The following SLC4A10 variants were observed in gnomAD, a reference collection of about 807,000 sequenced individuals.
The protein encoded by SLC4A10 is solute carrier family 4 member 10.
A neutral mutation model predicts 137.7 loss-of-function variants in SLC4A10; 42 were observed. The ratio of observed to expected loss-of-function variants is 0.30; its 90% CI spans 0.24 to 0.39. SLC4A10 has a LOEUF of 0.39. Among genes scored for constraint, SLC4A10 ranks in the 10% least tolerant of loss-of-function variants. The pLI, the probability that SLC4A10 is intolerant of heterozygous loss-of-function variation, is 1.00. For missense variants in SLC4A10, 925 were observed against 1,355.0 expected (o/e 0.68, Z 4.98); for synonymous variants, 474 against 464.1 (o/e 1.02, Z -0.27).
intron 1 of SLC4A10, among the ~76,000 whole-genome samples, chr2:161,768,270 C>T (rs1193389481): frequency 1.3e-5 from 2 of 152,134 alleles, no homozygotes; most frequent in South Asian, 4.1e-4. Context: ...TCATTGACTA[C>T]CTGACATCCA....
intron 1 of SLC4A10, among the ~76,000 whole-genome samples, chr2:161,697,933 C>A (rs1464497494): frequency 6.6e-6 from 1 of 152,152 alleles, no homozygotes; most frequent in African/African-American, 2.4e-5. Flanking sequence ...TTTTTCCTAT[C>A]TATGAGCATA....
At chr2:161,859,164 G>A (rs1472281069) in intron 5 of SLC4A10, among the ~76,000 whole-genome samples, 1 of 152,034 alleles carries the variant, frequency 6.6e-6, no homozygotes, top group African/African-American at 2.4e-5. Flanking sequence ...TCTGCAATAT[G>A]TCATAACCTC....
chr2:161,696,577 TA>T (rs1168152793), intron 1 of SLC4A10, among the ~76,000 whole-genome samples: 2 of 150,496 alleles, frequency 1.3e-5, no homozygotes, highest in African/African-American at 4.9e-5. Flanking sequence ...GTTCTTGCAA[TA>T]GTTTAATGAG....
At chr2:161,900,430 A>G (rs959275586) in intron 11 of SLC4A10, among the ~76,000 whole-genome samples, 1 of 152,066 alleles carries the variant, frequency 6.6e-6, no homozygotes, top group Non-Finnish European at 1.5e-5. Flanking sequence ...ATATAACACC[A>G]CCATACTTAA....
At chr2:161,665,036 T>C (rs1187722227) in intron 1 of SLC4A10, among the ~76,000 whole-genome samples, 1 of 151,784 alleles carries the variant, frequency 6.6e-6, no homozygotes, top group Non-Finnish European at 1.5e-5. Context: ...TACAAGTTAG[T>C]TCAGAGATTG....
At chr2:161,977,251 TTTTATA>T (rs1408125285) in intron 25 of SLC4A10, 2 of 341,988 alleles carry the variant, frequency 5.8e-6, no homozygotes, top group Non-Finnish European at 1.2e-5. Flanking sequence ...ACTGTGTGTA[TTTTATA>T]TTTATATTTT....
At chr2:161,751,352 CTT>C (rs71889107) in intron 1 of SLC4A10, among the ~76,000 whole-genome samples, 2,673 of 112,124 alleles carry the variant, frequency 0.024, 54 homozygotes, top group African/African-American at 0.066. Flanking sequence ...TTGCATTTTG[CTT>C]TTTTTTTTTT....
At chr2:161,693,645 T>C (rs2042212369) in intron 1 of SLC4A10, among the ~76,000 whole-genome samples, 1 of 150,896 alleles carries the variant, frequency 6.6e-6, no homozygotes, top group Admixed American at 6.6e-5. Flanking sequence ...ACCAGCATTC[T>C]ACTCTCTGTC....
chr2:161,647,977 A>G (rs2036286082), intron 1 of SLC4A10, among the ~76,000 whole-genome samples: 1 of 152,196 alleles, frequency 6.6e-6, no homozygotes, highest in African/African-American at 2.4e-5. Flanking sequence ...TTCTTTTACT[A>G]GTGGTATAGC....
At chr2:161,836,581 AAAGAAAGAAAGAAAGAAAGGAAGG>A (rs1203210429) in intron 3 of SLC4A10, among the ~76,000 whole-genome samples, 39 of 121,240 alleles carry the variant, frequency 3.2e-4, no homozygotes, top group East Asian at 1.7e-3. Context: ...AGAAAGAAAG[AAAGAAAGAAAGAAAGAAAGGAAGG>A]AAGGAAAGAA....
chr2:161,741,352 TCTA>T (rs2047876849), intron 1 of SLC4A10, among the ~76,000 whole-genome samples: 1 of 150,702 alleles, frequency 6.6e-6, no homozygotes, highest in Non-Finnish European at 1.5e-5. Flanking sequence ...GCACCTAAAC[TCTA>T]CTGTTAGCAA....
At chr2:161,929,241 C>T (rs1484761496) in intron 15 of SLC4A10, among the ~76,000 whole-genome samples, 2 of 152,130 alleles carry the variant, frequency 1.3e-5, no homozygotes, top group Admixed American at 6.5e-5. Context: ...TGATATTACA[C>T]AGTTTGTTTT....
At chr2:161,956,643 G>A (rs576277542) in intron 19 of SLC4A10, among the ~76,000 whole-genome samples, 4 of 152,284 alleles carry the variant, frequency 2.6e-5, no homozygotes, top group African/African-American at 7.2e-5. Context: ...CAGTGGAGTA[G>A]CATAACAGAG....
chr2:161,906,915 G>T (rs932407236), intron 15 of SLC4A10, among the ~76,000 whole-genome samples: 5 of 151,918 alleles, frequency 3.3e-5, no homozygotes, highest in African/African-American at 1.2e-4. Context: ...AATTAGCCAG[G>T]CGTGGTGGCG....
intron 2 of SLC4A10, among the ~76,000 whole-genome samples, chr2:161,776,102 C>A (rs562141992): frequency 1.3e-5 from 2 of 151,820 alleles, no homozygotes; most frequent in South Asian, 2.1e-4. Context: ...ACTAGTTAGT[C>A]GAGTTTGAAA....
At chr2:161,676,388 T>A (rs1324738068) in intron 1 of SLC4A10, among the ~76,000 whole-genome samples, 1 of 152,204 alleles carries the variant, frequency 6.6e-6, no homozygotes. Context: ...TATTGCCTAT[T>A]TTTTGCTAGA....
chr2:161,788,933 G>T (rs1448860328), intron 2 of SLC4A10, among the ~76,000 whole-genome samples: 1 of 152,198 alleles, frequency 6.6e-6, no homozygotes, highest in African/African-American at 2.4e-5. Flanking sequence ...AACAGTGCCT[G>T]CACTGAGGGC....
chr2:161,724,677 C>G (rs548018949), intron 1 of SLC4A10, among the ~76,000 whole-genome samples: 4 of 152,284 alleles, frequency 2.6e-5, no homozygotes, highest in Admixed American at 2.6e-4. Context: ...TAGAAAGAGG[C>G]AGACTCTCTC....
chr2:161,954,002 A>G (rs1220391845), intron 19 of SLC4A10, among the ~76,000 whole-genome samples: 1 of 152,188 alleles, frequency 6.6e-6, no homozygotes, highest in African/African-American at 2.4e-5. Context: ...TATAAAAAAG[A>G]AAGTTTCTGT....
Sources: allele counts gnomAD v4.1 joint callset (sites outside exome capture counted in the v4.1 genomes callset), GRCh38; gene constraint gnomAD v4.1.1; transcripts MANE v1.5; gene names NCBI Gene and HGNC (gene_info 2026-07-23, HGNC 2026-07-21).